ROBO1: variants seen among roughly 807,000 people sequenced by gnomAD.
ROBO1 encodes roundabout guidance receptor 1.
Under a neutral mutation model 195.9 loss-of-function variants are expected in ROBO1, and 149 were observed. That is an observed-to-expected ratio of 0.76 (90% CI 0.67 to 0.87). The LOEUF (loss-of-function observed/expected upper bound fraction) is 0.87, where lower values mean the gene tolerates loss of function less well. Ranked by LOEUF, ROBO1 falls within the 40% of genes least tolerant of loss-of-function variation. The pLI is 0.00. For synonymous variants in ROBO1, 816 were observed against 733.2 expected (o/e 1.11, Z -1.82); for missense variants, 1,933 against 2,068.3 (o/e 0.93, Z 1.27).
At chr3:79,279,831 G>T (rs572653673) in intron 2 of ROBO1, among the ~76,000 whole-genome samples, 8 of 151,472 alleles carry the variant, frequency 5.3e-5, no homozygotes, top group Admixed American at 2.6e-4. Context: ...GGTATCACAT[G>T]TGTTGTTGTA....
chr3:79,687,599 T>C (rs376326622), intron 1 of ROBO1, among the ~76,000 whole-genome samples: 1 of 152,026 alleles, frequency 6.6e-6, no homozygotes, highest in Non-Finnish European at 1.5e-5. Context: ...CATTTATGCA[T>C]CCAACAGACA....
chr3:78,819,634 T>C (rs1173762224), intron 4 of ROBO1, among the ~76,000 whole-genome samples: 1 of 152,122 alleles, frequency 6.6e-6, no homozygotes, highest in Non-Finnish European at 1.5e-5. Flanking sequence ...GACTCAGAAC[T>C]CTCTCCCATG....
At chr3:79,149,537 GTTGTTGTTT>G (rs969074641) in intron 2 of ROBO1, among the ~76,000 whole-genome samples, 10 of 151,084 alleles carry the variant, frequency 6.6e-5, no homozygotes, top group African/African-American at 2.4e-4. Context: ...TGTTGTTGTT[GTTGTTGTTT>G]TTGTCTTTCA....
At chr3:79,479,414 C>G (rs1938716377) in intron 2 of ROBO1, among the ~76,000 whole-genome samples, 1 of 152,178 alleles carries the variant, frequency 6.6e-6, no homozygotes. Flanking sequence ...TGACAGGAGG[C>G]AGAGCTCAGG....
At chr3:79,659,116 C>A (rs1380579392) in intron 1 of ROBO1, among the ~76,000 whole-genome samples, 3 of 151,934 alleles carry the variant, frequency 2.0e-5, no homozygotes, top group African/African-American at 7.3e-5. Context: ...ATAATATAAT[C>A]GACACATATC....
At chr3:79,211,305 G>T (rs910278210) in intron 2 of ROBO1, among the ~76,000 whole-genome samples, 1 of 151,788 alleles carries the variant, frequency 6.6e-6, no homozygotes, top group Non-Finnish European at 1.5e-5. Flanking sequence ...ATATATATTG[G>T]TTGCCTATAT....
At chr3:78,977,986 C>T (rs1018420526) in intron 3 of ROBO1, among the ~76,000 whole-genome samples, 2 of 152,140 alleles carry the variant, frequency 1.3e-5, no homozygotes, top group Non-Finnish European at 2.9e-5. Flanking sequence ...TATTTTTAAA[C>T]ATTACCAACA....
chr3:79,479,734 C>T (rs1242313574), intron 2 of ROBO1, among the ~76,000 whole-genome samples: 2 of 152,252 alleles, frequency 1.3e-5, no homozygotes, highest in East Asian at 3.9e-4. Context: ...CTTTAGTTAA[C>T]AGGATGTTAT....
chr3:78,631,349 A>C, intron 24 of ROBO1, 44 bp from the exon 25 acceptor site: 1 of 1,573,286 alleles, frequency 6.4e-7, no homozygotes, highest in East Asian at 2.3e-5. Context: ...CTGGCCTTTA[A>C]ACTTTTTCCA....
At chr3:79,441,039 A>T (rs544404935) in intron 2 of ROBO1, among the ~76,000 whole-genome samples, 1 of 152,278 alleles carries the variant, frequency 6.6e-6, no homozygotes, top group African/African-American at 2.4e-5. Context: ...TTAACTAGTC[A>T]TGCTTATTTT....
chr3:79,189,448 G>A (rs1291364568), intron 2 of ROBO1, among the ~76,000 whole-genome samples: 2 of 151,700 alleles, frequency 1.3e-5, no homozygotes, highest in African/African-American at 4.8e-5. Context: ...TGTTATGTTT[G>A]TCTATGCTGC....
intron 2 of ROBO1, among the ~76,000 whole-genome samples, chr3:79,545,055 A>G (rs1037875426): frequency 5.9e-5 from 9 of 152,132 alleles, no homozygotes; most frequent in Non-Finnish European, 1.3e-4. Flanking sequence ...TTTACCTTAC[A>G]TAGATACTTA....
intron 4 of ROBO1, among the ~76,000 whole-genome samples, chr3:78,887,151 A>G (rs904450674): frequency 2.0e-5 from 3 of 152,212 alleles, no homozygotes; most frequent in African/African-American, 7.2e-5. Flanking sequence ...TTAAAATCAG[A>G]ACTTGGAGAG....
At chr3:79,141,340 TCTC>T (rs2080520802) in intron 2 of ROBO1, among the ~76,000 whole-genome samples, 1 of 152,260 alleles carries the variant, frequency 6.6e-6, no homozygotes, top group East Asian at 1.9e-4. Flanking sequence ...TCCTCTATCG[TCTC>T]CTCATTGTCT....
chr3:78,916,139 A>G (rs1360370739), intron 4 of ROBO1, among the ~76,000 whole-genome samples: 1 of 150,172 alleles, frequency 6.7e-6, no homozygotes, highest in Non-Finnish European at 1.5e-5. Flanking sequence ...AGTCGCAGCC[A>G]CTCGGGAGGC....
At chr3:79,363,776 A>G (rs2035859411) in intron 2 of ROBO1, among the ~76,000 whole-genome samples, 1 of 152,190 alleles carries the variant, frequency 6.6e-6, no homozygotes, top group African/African-American at 2.4e-5. Context: ...TTACTTTCAT[A>G]TTCCTTTCTT....
intron 16 of ROBO1, 111 bp from the exon 17 acceptor site, chr3:78,659,918 C>CTTTTTTTTTTT (rs76880412): frequency 5.4e-6 from 2 of 371,920 alleles, no homozygotes; most frequent in African/African-American, 3.0e-5. Context: ...TCAATATATG[C>CTTTTTTTTTTT]TTTTTTTTTT....
In ROBO1 at chr3:78,788,097, G is replaced by A. The variant is rs1205140668; in HGVS notation, c.500-41197C>T. On this transcript the variant is annotated intron_variant, in intron 4 of 30. Coordinates refer to ENST00000464233, the MANE Select transcript of ROBO1 (RefSeq NM_002941.4). ...TGGGACTACAGGCGCCTGCCACCGC[G>A]CCCGACTGATTTTGTTTTTGTATTT... Among the ~76,000 whole-genome samples, 7 of 150,570 alleles carry A rather than the reference G, an allele frequency of 4.6e-5. No homozygotes were observed. The South Asian group carries it at 6.3e-4, about 14-fold the overall frequency.
intron 2 of ROBO1, among the ~76,000 whole-genome samples, chr3:79,440,035 C>T (rs1327276317): frequency 1.3e-5 from 2 of 151,984 alleles, no homozygotes; most frequent in African/African-American, 4.8e-5. Flanking sequence ...AGGTAGAGGG[C>T]ATGCCAGTCA....
Sources: allele counts gnomAD v4.1 joint callset (sites outside exome capture counted in the v4.1 genomes callset), GRCh38; gene constraint gnomAD v4.1.1; transcripts MANE v1.5; gene names NCBI Gene and HGNC (gene_info 2026-07-23, HGNC 2026-07-21).